The following CREB5 variants were observed in gnomAD, a reference collection of about 807,000 sequenced individuals.
CREB5 encodes cyclic AMP-responsive element-binding protein 5.
A neutral mutation model predicts 57.1 loss-of-function variants in CREB5; 19 were observed. The observed-to-expected ratio is 0.33, with a 90% CI of 0.23 to 0.49. The LOEUF (loss-of-function observed/expected upper bound fraction) is 0.49, where lower values mean the gene tolerates loss of function less well. Ranked by LOEUF, CREB5 falls within the 20% of genes least tolerant of loss-of-function variation. The pLI is 0.99. For missense variants in CREB5, 579 were observed against 671.6 expected, an observed-to-expected ratio of 0.86 and a Z score of 1.52; for synonymous variants, 238 against 238.3, an observed-to-expected ratio of 1.00 and a Z score of 0.01.
intron 4 of CREB5, among the ~76,000 whole-genome samples, chr7:28,544,840 G>A (rs1794355851): frequency 6.6e-6 from 1 of 152,158 alleles, no homozygotes; most frequent in African/African-American, 2.4e-5. Flanking sequence ...GGGAGAGTAT[G>A]GGACGGAAAG....
intron 5 of CREB5, among the ~76,000 whole-genome samples, chr7:28,691,640 G>C (rs1801266538): frequency 6.6e-6 from 1 of 152,006 alleles, no homozygotes; most frequent in African/African-American, 2.4e-5. Flanking sequence ...AACATCTCTG[G>C]GGTCCAAGAG....
chr7:28,725,303 A>G lies in CREB5; in HGVS notation c.702+971A>G, dbSNP rs560582724. Reference sequence around the variant, plus strand: ...GTCAGACCCAGTGACTTCCTTTTCAATGTCAGCAAGAGTTTTCTCATGCCT... The same window carrying G: ...GTCAGACCCAGTGACTTCCTTTTCAGTGTCAGCAAGAGTTTTCTCATGCCT... On this transcript the variant is annotated intron_variant, in intron 7 of 10. Transcript: ENST00000357727. Among the ~76,000 whole-genome samples the G allele has an allele frequency of 4.6e-5, 7 of 152,288 alleles. No individual in the cohort carries two copies. The East Asian group carries it at 5.8e-4, about 13-fold the overall frequency.
chr7:28,677,020 A>C (rs1800351079), intron 5 of CREB5, among the ~76,000 whole-genome samples: 1 of 152,168 alleles, frequency 6.6e-6, no homozygotes, highest in Non-Finnish European at 1.5e-5. Flanking sequence ...CATTGTGGGC[A>C]TCCTGTTTTG....
chr7:28,414,156 CCTT>C (rs765341422), intron 1 of CREB5, among the ~76,000 whole-genome samples: 4 of 151,096 alleles, frequency 2.6e-5, no homozygotes, highest in Non-Finnish European at 5.9e-5. Context: ...TCTTTCTTCT[CCTT>C]CTCCTTCTCC....
At chr7:28,490,729 A>G (rs1039482285) in intron 2 of CREB5, among the ~76,000 whole-genome samples, 1 of 152,194 alleles carries the variant, frequency 6.6e-6, no homozygotes, top group Non-Finnish European at 1.5e-5. Context: ...GTTTCCAGAC[A>G]TTGCCAAATG....
At chr7:28,327,098 G>A (rs12674146) in intron 1 of CREB5, among the ~76,000 whole-genome samples, 20,161 of 146,172 alleles carry the variant, frequency 0.14, 1,479 homozygotes, top group East Asian at 0.25. Flanking sequence ...ACAGTGAGCT[G>A]AGGTCAACCC....
At chr7:28,614,659 A>G (rs1359187950) in intron 5 of CREB5, among the ~76,000 whole-genome samples, 1 of 152,158 alleles carries the variant, frequency 6.6e-6, no homozygotes, top group Non-Finnish European at 1.5e-5. Flanking sequence ...AATTTTTAAG[A>G]ATTTAGAAAA....
chr7:28,804,324 G>A lies in CREB5; in HGVS notation c.828G>A (p.Ser276=), dbSNP rs61736231. ...QDQTPHHHMH[S]HPHQHQTLPP... ...AGACGCCACACCATCACATGCACTC[G>A]CACCCGCATCAGCACCAGACACTGC... The change falls in exon 8 of 11, where the codon TCG becomes TCA. Residue 276 remains serine (S), a synonymous_variant. Coordinates refer to ENST00000357727, the MANE Select transcript of CREB5 (RefSeq NM_182898.4). 5.7e-4 allele frequency: 922 copies of A among 1,613,560 alleles called. 2 individuals are homozygous for A. The African/African-American group carries it at 0.011, about 19-fold the overall frequency.
chr7:28,715,283 C>T lies in CREB5; in HGVS notation c.465-3470C>T, dbSNP rs757075950. 5.3e-5 allele frequency among the ~76,000 whole-genome samples: 8 copies of T among 152,240 alleles called. No homozygotes were observed. In the South Asian group the frequency reaches 6.2e-4, roughly 12 times the overall value. The stretch of plus-strand genomic sequence containing the variant: ...GCAAGTTGAGTATAAGCCCCGTTCC[C>T]GTTCATGACCCATGTGACCTTGGGA... On this transcript the variant is annotated intron_variant, in intron 5 of 10. Transcript: ENST00000357727.
At chr7:28,396,490 A>G (rs905146392) in intron 1 of CREB5, among the ~76,000 whole-genome samples, 5 of 152,200 alleles carry the variant, frequency 3.3e-5, no homozygotes, top group African/African-American at 1.2e-4. Flanking sequence ...TGTCATTTAA[A>G]AATTGCAAAT....
chr7:28,391,490 T>G (rs1383028640), intron 1 of CREB5, among the ~76,000 whole-genome samples: 1 of 152,230 alleles, frequency 6.6e-6, no homozygotes, highest in Non-Finnish European at 1.5e-5. Context: ...TTTTCATGCT[T>G]TCCAATATAA....
At chr7:28,478,130 C>G (rs1055388452) in intron 1 of CREB5, among the ~76,000 whole-genome samples, 1 of 152,048 alleles carries the variant, frequency 6.6e-6, no homozygotes, top group South Asian at 2.1e-4. Context: ...AACAAACAAA[C>G]CCCGCAAAAC....
intron 1 of CREB5, among the ~76,000 whole-genome samples, chr7:28,427,572 C>T (rs2128014488): frequency 1.3e-5 from 2 of 152,100 alleles, no homozygotes; most frequent in East Asian, 1.9e-4. Context: ...GATACGCTCA[C>T]ACTTTATTCC....
At chr7:28,468,268 G>A (rs1332238750) in intron 1 of CREB5, among the ~76,000 whole-genome samples, 1 of 152,222 alleles carries the variant, frequency 6.6e-6, no homozygotes, top group African/African-American at 2.4e-5. Context: ...GCACGTTAAA[G>A]ATAATGCCCA....
intron 5 of CREB5, among the ~76,000 whole-genome samples, chr7:28,644,380 G>T (rs1798809151): frequency 6.6e-6 from 1 of 152,078 alleles, no homozygotes; most frequent in Non-Finnish European, 1.5e-5. Context: ...AGTGTTTTCA[G>T]ACTACCAGTG....
At chr7:28,730,061 C>T (rs1368395046) in intron 7 of CREB5, among the ~76,000 whole-genome samples, 2 of 152,176 alleles carry the variant, frequency 1.3e-5, no homozygotes, top group African/African-American at 4.8e-5. Flanking sequence ...CTTAAAACAC[C>T]GTGGTAGAGA....
At chr7:28,733,758 T>C (rs1803804769) in intron 7 of CREB5, among the ~76,000 whole-genome samples, 1 of 152,154 alleles carries the variant, frequency 6.6e-6, no homozygotes, top group Admixed American at 6.5e-5. Flanking sequence ...CAGTTTGCCA[T>C]CTCTCCTGTA....
chr7:28,622,201 T>C (rs1797822953), intron 5 of CREB5, among the ~76,000 whole-genome samples: 2 of 151,952 alleles, frequency 1.3e-5, no homozygotes, highest in South Asian at 2.1e-4. Context: ...GGGTGGCACA[T>C]TTCTCTTTCC....
At chr7:28,686,274 C>T in intron 5 of CREB5, 1 of 1,033,318 alleles carries the variant, frequency 9.7e-7, no homozygotes, top group Non-Finnish European at 1.5e-6. Context: ...GTTTTTGAGC[C>T]TTCGTCCTCC....
Sources: allele counts gnomAD v4.1 joint callset (sites outside exome capture counted in the v4.1 genomes callset), GRCh38; gene constraint gnomAD v4.1.1; transcripts MANE v1.5; gene names NCBI Gene and HGNC (gene_info 2026-07-23, HGNC 2026-07-21).